Variants in SASH1 observed in about 807,000 individuals in gnomAD.
SASH1 encodes the protein SAM and SH3 domain containing 1, also known as SAM and SH3 domain-containing protein 1.
A neutral mutation model predicts 125.2 loss-of-function variants in SASH1; 44 were observed. The ratio of observed to expected loss-of-function variants is 0.35; its 90% CI spans 0.28 to 0.45. The LOEUF (loss-of-function observed/expected upper bound fraction) is 0.45, where lower values mean the gene tolerates loss of function less well. Among genes scored for constraint, SASH1 ranks in the 20% least tolerant of loss-of-function variants. The probability of loss-of-function intolerance (pLI) is 1.00; values close to 1 mark genes in which losing one functional copy is unlikely to be tolerated. For missense variants in SASH1, 1,426 were observed against 1,614.5 expected, an observed-to-expected ratio of 0.88 and a Z score of 2.00; for synonymous variants, 639 against 649.1, an observed-to-expected ratio of 0.98 and a Z score of 0.24.
intron 1 of SASH1, among the ~76,000 whole-genome samples, chr6:148,301,921 G>C (rs1779959032): frequency 6.6e-6 from 1 of 151,534 alleles, no homozygotes; most frequent in African/African-American, 2.4e-5. Flanking sequence ...AAAAACAACT[G>C]ACATTCACTA....
chr6:148,300,890 G>A (rs1250165784), intron 1 of SASH1, among the ~76,000 whole-genome samples: 1 of 152,118 alleles, frequency 6.6e-6, no homozygotes, highest in East Asian at 1.9e-4. Context: ...TTCTTTTACT[G>A]TAGAGAAGAA....
intron 1 of SASH1, among the ~76,000 whole-genome samples, chr6:148,275,028 T>G (rs1038583737): frequency 6.6e-6 from 1 of 152,172 alleles, no homozygotes; most frequent in African/African-American, 2.4e-5. Flanking sequence ...ACAGAACTCG[T>G]GGCTCTTCAG....
At chr6:148,407,630 T>A (rs34909223) in intron 2 of SASH1, among the ~76,000 whole-genome samples, 7,918 of 152,258 alleles carry the variant, frequency 0.052, 266 homozygotes, top group East Asian at 0.08. Context: ...GTTCTACTTT[T>A]AATTTTTTTG....
intron 2 of SASH1, among the ~76,000 whole-genome samples, chr6:148,429,449 G>A (rs1188464665): frequency 1.4e-5 from 2 of 145,258 alleles, no homozygotes; most frequent in Non-Finnish European, 3.0e-5. Flanking sequence ...TTGGCAAAGT[G>A]ATCCAATTTA....
the SASH1 span, among the ~76,000 whole-genome samples, chr6:148,195,041 AC>A: frequency 6.6e-6 from 1 of 152,238 alleles, no homozygotes; most frequent in African/African-American, 2.4e-5. Flanking sequence ...TCTAAACATA[AC>A]TAAAAAGCAC....
chr6:148,300,475 G>A (rs1473616457), intron 1 of SASH1, among the ~76,000 whole-genome samples: 2 of 133,014 alleles, frequency 1.5e-5, no homozygotes, highest in South Asian at 2.4e-4. Flanking sequence ...TTGAGATGGG[G>A]TCTTGCTCTG....
chr6:148,439,122 A>C (rs1210475977), intron 2 of SASH1, among the ~76,000 whole-genome samples: 1 of 152,168 alleles, frequency 6.6e-6, no homozygotes, highest in African/African-American at 2.4e-5. Flanking sequence ...TATCACAGGT[A>C]ATTTGTTTAT....
At chr6:148,487,738 A>G (rs756151433) in intron 8 of SASH1, 23 bp downstream of exon 8, 11 of 1,509,008 alleles carry the variant, frequency 7.3e-6, no homozygotes, top group Non-Finnish European at 1.0e-5. Context: ...TGTCTTTGAC[A>G]TCTTGATCAC....
intron 2 of SASH1, among the ~76,000 whole-genome samples, chr6:148,407,312 G>A (rs1784418542): frequency 6.6e-6 from 1 of 152,006 alleles, no homozygotes; most frequent in Admixed American, 6.6e-5. Context: ...AATACCTCCT[G>A]TAAGTGGAAT....
At chr6:148,389,076 A>G (rs1005699072) in intron 1 of SASH1, among the ~76,000 whole-genome samples, 17 of 152,178 alleles carry the variant, frequency 1.1e-4, no homozygotes, top group African/African-American at 4.1e-4. Flanking sequence ...GTATTCAGGT[A>G]TGTTTTTAGG....
intron 2 of SASH1, among the ~76,000 whole-genome samples, chr6:148,425,903 G>A (rs60818504): frequency 0.18 from 26,666 of 151,562 alleles, 2,731 homozygotes; most frequent in African/African-American, 0.28. Context: ...TGGTCATTAG[G>A]TATTACTTTA....
the SASH1 span, among the ~76,000 whole-genome samples, chr6:148,236,608 C>G: frequency 6.6e-6 from 1 of 152,170 alleles, no homozygotes; most frequent in Non-Finnish European, 1.5e-5. Flanking sequence ...CAGGTGACAG[C>G]AACCGCTTCT....
chr6:148,209,254 T>C, the SASH1 span, among the ~76,000 whole-genome samples: 1 of 152,356 alleles, frequency 6.6e-6, no homozygotes, highest in East Asian at 1.9e-4. Flanking sequence ...GTAATACACC[T>C]TCATCATAGC....
rs143031903 is a variant in SASH1 at position 148,426,879 on chromosome 6, A to T, written c.286-13305A>T. Among the ~76,000 whole-genome samples, 1,158 of 152,252 alleles carry T rather than the reference A, an allele frequency of 7.6e-3. 10 individuals are homozygous for T. Among genetic ancestry groups the T allele is most frequent in the African/African-American group, 0.027 (1,102 of 41,536 alleles). On this transcript the variant is annotated intron_variant, in intron 2 of 19. Coordinates refer to ENST00000367467, the MANE Select transcript of SASH1 (RefSeq NM_015278.5). ...GTCGGGCACGGTGGCTCACACGGGT[A>T]ATCCCAGCACTTTGGGAGGCTGAGG...
chr6:148,234,546 C>G, the SASH1 span, among the ~76,000 whole-genome samples: 1 of 152,050 alleles, frequency 6.6e-6, no homozygotes, highest in South Asian at 2.1e-4. Context: ...GAGGAACTGG[C>G]CGGGCGTGGT....
intron 2 of SASH1, among the ~76,000 whole-genome samples, chr6:148,430,861 A>G (rs986945765): frequency 2.6e-5 from 4 of 152,230 alleles, no homozygotes; most frequent in Non-Finnish European, 5.9e-5. Context: ...GGAGTTGACA[A>G]TAGTGATTAG....
At chr6:148,351,870 A>C (rs1781742676) in intron 1 of SASH1, among the ~76,000 whole-genome samples, 4 of 152,094 alleles carry the variant, frequency 2.6e-5, no homozygotes, top group Admixed American at 2.6e-4. Flanking sequence ...AGAGGAAAGG[A>C]ATACTCTAGT....
the SASH1 span, among the ~76,000 whole-genome samples, chr6:148,226,387 A>G: frequency 1.3e-5 from 2 of 152,218 alleles, no homozygotes; most frequent in African/African-American, 4.8e-5. Flanking sequence ...TGTGACAATC[A>G]TAAATGGAGT....
intron 8 of SASH1, chr6:148,512,890 G>A: frequency 1.0e-6 from 1 of 985,088 alleles, no homozygotes; most frequent in Non-Finnish European, 1.2e-6. Context: ...CCATAAGTGG[G>A]TAAACGGTTT....
Sources: gnomAD v4.1 joint callset for allele counts (sites outside exome capture counted in the v4.1 genomes callset) on GRCh38, gnomAD v4.1.1 for gene constraint, MANE v1.5 for transcripts, NCBI Gene and HGNC (gene_info 2026-07-23, HGNC 2026-07-21) for gene names.